FRMD5: variants seen among roughly 807,000 people sequenced by gnomAD.
FRMD5 encodes the protein FERM domain-containing protein 5.
A neutral mutation model predicts 69.0 loss-of-function variants in FRMD5; 20 were observed. The ratio of observed to expected loss-of-function variants is 0.29; its 90% CI spans 0.20 to 0.42. The LOEUF (loss-of-function observed/expected upper bound fraction) is 0.42. Ranked by LOEUF, FRMD5 falls within the 10% of genes least tolerant of loss-of-function variation. The pLI is 1.00. For synonymous variants in FRMD5, 271 were observed against 260.1 expected (o/e 1.04, Z -0.40); for missense variants, 595 against 708.6 (o/e 0.84, Z 1.82).
intron 1 of FRMD5, among the ~76,000 whole-genome samples, chr15:44,024,302 C>T (rs1219846885): frequency 6.6e-6 from 1 of 151,910 alleles, no homozygotes; most frequent in East Asian, 1.9e-4. Context: ...AACATGTCTC[C>T]TGGGAGAATT....
chr15:44,096,206 CAA>C (rs1213347011), intron 1 of FRMD5, among the ~76,000 whole-genome samples: 51 of 47,900 alleles, frequency 1.1e-3, no homozygotes, highest in East Asian at 8.3e-3. Context: ...AACTCCATCT[CAA>C]AAAAAAAAAA....
chr15:44,058,160 C>G (rs755831690), intron 1 of FRMD5, among the ~76,000 whole-genome samples: 1 of 152,164 alleles, frequency 6.6e-6, no homozygotes, highest in Non-Finnish European at 1.5e-5. Flanking sequence ...AAGACCACAT[C>G]TGTTCTGAGG....
At chr15:44,152,977 TA>T (rs1319395146) in intron 1 of FRMD5, among the ~76,000 whole-genome samples, 7 of 152,138 alleles carry the variant, frequency 4.6e-5, no homozygotes, top group African/African-American at 1.7e-4. Flanking sequence ...TCAACATCAC[TA>T]ATCACTGAGG....
At chr15:44,127,609 AC>A (rs1193476240) in intron 1 of FRMD5, among the ~76,000 whole-genome samples, 1 of 152,124 alleles carries the variant, frequency 6.6e-6, no homozygotes, top group African/African-American at 2.4e-5. Flanking sequence ...GCAATGGCTC[AC>A]AACCCGTAAT....
rs76247519 is a variant in FRMD5 at position 44,077,584 on chromosome 15, C to CT, written c.102+117368dup. Among the ~76,000 whole-genome samples the CT allele has an allele frequency of 0.016, 2,410 of 152,096 alleles. 172 individuals carry two copies. The East Asian group carries it at 0.18, about 11-fold the overall frequency. On this transcript the variant is annotated intron_variant, in intron 1 of 13. Transcript: ENST00000417257. ...ACAAATATTGATGGGAAAATACTAACTTTTTACCTTTTAATAAAAATGAGT... is the reference window on the plus strand; with the variant it reads ...ACAAATATTGATGGGAAAATACTAACTTTTTTACCTTTTAATAAAAATGAGT...
At position 43,873,027 on chromosome 15, in the gene FRMD5, G is replaced by A; in HGVS notation, c.*858C>T. The A allele has an allele frequency of 1.5e-6, 1 of 663,088 alleles. No individual in the cohort carries two copies. Among genetic ancestry groups the A allele is most frequent in the East Asian group, 2.7e-5 (1 of 36,408 alleles). 41.1% of individuals were successfully genotyped at this position (663,088 alleles called of 1,614,324 possible). A position where few individuals can be genotyped will look rare whatever the true frequency, so the allele number is the denominator to read the frequency against. On this transcript the variant is annotated 3_prime_UTR_variant, in exon 14 of 14. Coordinates refer to ENST00000417257, the MANE Select transcript of FRMD5 (RefSeq NM_032892.5). ...ATTTCTGACAGAACTATCTATCTCT[G>A]GTACCACTGAATTCGTTTAACGCCC...
At chr15:43,875,804 GTTTTTTTTTTTT>G (rs34063043) in intron 13 of FRMD5, 37 of 210,644 alleles carry the variant, frequency 1.8e-4, no homozygotes, top group Admixed American at 2.6e-4. Context: ...CCTGGGCCTA[GTTTTTTTTTTTT>G]TTTTTTTTTT....
chr15:44,115,232 G>A (rs1023925787), intron 1 of FRMD5, among the ~76,000 whole-genome samples: 12 of 152,020 alleles, frequency 7.9e-5, no homozygotes, highest in African/African-American at 2.9e-4. Context: ...CTCATAAACA[G>A]ATACATAAAA....
At position 44,164,287 on chromosome 15, in the gene FRMD5, CT is replaced by C. The variant is rs1037249788; in HGVS notation, c.102+30665del. 7.9e-5 allele frequency among the ~76,000 whole-genome samples: 12 copies of C among 152,016 alleles called. No homozygotes were observed. The East Asian group carries it at 2.1e-3, about 27-fold the overall frequency. On this transcript the variant is annotated intron_variant, in intron 1 of 13. Transcript: ENST00000417257. ...TAATAGTGTACTATTTTTGTAAGCA[CT>C]TTTTTTTGCATTATAAGAAAAATAT...
intron 13 of FRMD5, chr15:43,875,924 A>G: frequency 9.8e-7 from 1 of 1,021,186 alleles, no homozygotes; most frequent in African/African-American, 1.6e-5. Flanking sequence ...ACACAGGCTT[A>G]TCCATCACAC....
intron 5 of FRMD5, among the ~76,000 whole-genome samples, chr15:43,908,355 A>AG: frequency 6.7e-6 from 1 of 150,214 alleles, no homozygotes; most frequent in Middle Eastern, 3.4e-3. Context: ...AAAAATTCAA[A>AG]GGGGCATCTT....
intron 1 of FRMD5, among the ~76,000 whole-genome samples, chr15:44,038,259 T>C (rs923944977): frequency 1.3e-5 from 2 of 152,176 alleles, no homozygotes; most frequent in Non-Finnish European, 2.9e-5. Flanking sequence ...ACTCTGATGA[T>C]AGTTTCTTTT....
chr15:43,929,085 C>T (rs1036698210), intron 1 of FRMD5, among the ~76,000 whole-genome samples: 1 of 152,128 alleles, frequency 6.6e-6, no homozygotes, highest in African/African-American at 2.4e-5. Flanking sequence ...CTATATGGTG[C>T]ACAGAATGAT....
rs186826925 is a variant in FRMD5, at chr15:44,029,782, A to G, written c.103-105473T>C. 7.2e-5 allele frequency among the ~76,000 whole-genome samples: 11 copies of G among 152,342 alleles called. No homozygotes were observed. In the East Asian group the frequency reaches 1.7e-3, roughly 24 times the overall value. ...AACAGATGCTTAGAGATTCCGATTC[A>G]GTAGGTCTGGGGTGGAGCATACGCA... On this transcript the variant is annotated intron_variant, in intron 1 of 13. Transcript: ENST00000417257.
intron 1 of FRMD5, 70 bp from the exon 2 acceptor site, chr15:43,924,379 C>G (rs3742981): frequency 9.5e-7 from 1 of 1,057,318 alleles, no homozygotes; most frequent in Non-Finnish European, 1.4e-6. Context: ...TTTTTTATAG[C>G]CATTAAAAGT....
At position 43,874,154 on chromosome 15, in the gene FRMD5, G is replaced by C. The variant is rs1595465071; in HGVS notation, c.1444C>G (p.Leu482Val). The change falls in exon 14 of 14, where the codon CTG becomes GTG. Residue 482 changes from leucine (L) to valine (V), a missense_variant. Physicochemically the swap from Leu to Val is conservative, Grantham distance 32 (BLOSUM62 1). Transcript: ENST00000417257. ...VEALGGELRA[L>V]CQGHSGPEEE... Reference sequence around the variant, plus strand: ...TCGGGCCCGCTGTGCCCCTGACACAGGGCCCTCAGCTCTCCCCCAAGGGCC... The same window carrying C: ...TCGGGCCCGCTGTGCCCCTGACACACGGCCCTCAGCTCTCCCCCAAGGGCC... 6.2e-7 allele frequency: 1 copy of C among 1,614,196 alleles called. No individual in the cohort carries two copies. Among genetic ancestry groups the C allele is most frequent in the South Asian group, 1.1e-5 (1 of 91,082 alleles).
At chr15:44,131,057 A>G (rs903977204) in intron 1 of FRMD5, among the ~76,000 whole-genome samples, 3 of 152,174 alleles carry the variant, frequency 2.0e-5, no homozygotes, top group African/African-American at 7.2e-5. Context: ...TAATCCTTCA[A>G]TTGCATTTAT....
At chr15:44,012,772 T>G (rs368241728) in intron 1 of FRMD5, among the ~76,000 whole-genome samples, 2 of 149,408 alleles carry the variant, frequency 1.3e-5, no homozygotes, top group Non-Finnish European at 3.0e-5. Flanking sequence ...TTTTTTTTTT[T>G]TTTTTTTTTT....
intron 1 of FRMD5, among the ~76,000 whole-genome samples, chr15:44,167,099 A>G (rs2077722689): frequency 6.6e-6 from 1 of 152,188 alleles, no homozygotes; most frequent in Non-Finnish European, 1.5e-5. Flanking sequence ...TAGATGGAAG[A>G]GCCAACAGTT....
Sources: allele counts gnomAD v4.1 joint callset (sites outside exome capture counted in the v4.1 genomes callset), GRCh38; gene constraint gnomAD v4.1.1; transcripts MANE v1.5; gene names NCBI Gene and HGNC (gene_info 2026-07-23, HGNC 2026-07-21).